Variants in FAF1 observed in about 807,000 individuals in gnomAD.
The protein encoded by FAF1 is FAS-associated factor 1.
FAF1 carries 25 observed loss-of-function variants against 92.5 expected under a neutral mutation model. The ratio of observed to expected loss-of-function variants is 0.27; its 90% CI spans 0.20 to 0.38. FAF1 has a LOEUF of 0.38. Ranked by LOEUF, FAF1 falls within the 10% of genes least tolerant of loss-of-function variation. The pLI, the probability that FAF1 is intolerant of heterozygous loss-of-function variation, is 1.00. For synonymous variants in FAF1, 234 were observed against 273.2 expected, an observed-to-expected ratio of 0.86 and a Z score of 1.42; for missense variants, 636 against 793.3, an observed-to-expected ratio of 0.80 and a Z score of 2.38.
chr1:50,771,935 T>C (rs372157258), intron 4 of FAF1, among the ~76,000 whole-genome samples: 1 of 152,150 alleles, frequency 6.6e-6, no homozygotes, highest in East Asian at 1.9e-4. Context: ...ATGCCAACTA[T>C]GTTTAATTTT....
chr1:50,700,078 C>G (rs1657399063), intron 7 of FAF1, among the ~76,000 whole-genome samples: 1 of 151,994 alleles, frequency 6.6e-6, no homozygotes, highest in Admixed American at 6.6e-5. Context: ...CCACCCTCCC[C>G]AAAAATAACG....
rs193169521 is a variant in FAF1 at position 50,750,203 on chromosome 1, C to G, written c.368-5428G>C. On this transcript the variant is annotated intron_variant, in intron 4 of 18. Coordinates refer to ENST00000396153, the MANE Select transcript of FAF1 (RefSeq NM_007051.3). ...CACTGCAGTATCCCACCCCAGGCCA[C>G]GTTCCTTGAAAAATTGTGAAGACAT... Among the ~76,000 whole-genome samples the G allele has an allele frequency of 8.7e-3, 1,323 of 152,268 alleles. 12 individuals are homozygous for G. Among genetic ancestry groups the G allele is most frequent in the Non-Finnish European group, 0.014 (928 of 68,006 alleles).
At chr1:50,512,373 G>A (rs1004248408) in intron 15 of FAF1, among the ~76,000 whole-genome samples, 44 of 152,160 alleles carry the variant, frequency 2.9e-4, no homozygotes, top group Admixed American at 2.8e-3. Context: ...ATGGTTTTAA[G>A]TCTTACATTT....
At position 50,467,341 on chromosome 1, in the gene FAF1, G is replaced by A. The variant is rs115282104; in HGVS notation, c.1869+8123C>T. ...AAAGTATTTTTCTTTTTGGGACGGGGTCTCACTCTGTTACCAGGCTGGAGT... is the reference window on the plus strand; with the variant it reads ...AAAGTATTTTTCTTTTTGGGACGGGATCTCACTCTGTTACCAGGCTGGAGT... On this transcript the variant is annotated intron_variant, in intron 18 of 18. Transcript: ENST00000396153. Among the ~76,000 whole-genome samples, 1,495 of 152,180 alleles carry A rather than the reference G, an allele frequency of 9.8e-3. 24 individuals are homozygous for A. Among genetic ancestry groups the A allele is most frequent in the African/African-American group, 0.034 (1,420 of 41,518 alleles).
chr1:50,604,005 C>G (rs184860054), intron 8 of FAF1, among the ~76,000 whole-genome samples: 4 of 152,268 alleles, frequency 2.6e-5, no homozygotes, highest in South Asian at 2.1e-4. Context: ...GAAATAAACA[C>G]CAACAGTTAC....
chr1:50,926,309 G>C (rs569132978), intron 1 of FAF1, among the ~76,000 whole-genome samples: 2 of 152,248 alleles, frequency 1.3e-5, no homozygotes, highest in East Asian at 3.9e-4. Flanking sequence ...AGGATACTAT[G>C]TTAAACTAAA....
At chr1:50,802,166 C>T (rs1339954897) in intron 2 of FAF1, among the ~76,000 whole-genome samples, 1 of 151,968 alleles carries the variant, frequency 6.6e-6, no homozygotes, top group African/African-American at 2.4e-5. Flanking sequence ...TCTCAACTCA[C>T]CACAACCTCC....
chr1:50,885,248 T>G (rs1644649065), intron 1 of FAF1, among the ~76,000 whole-genome samples: 1 of 152,076 alleles, frequency 6.6e-6, no homozygotes, highest in Non-Finnish European at 1.5e-5. Context: ...TATGTTGAAG[T>G]CTCTAGCTAT....
chr1:50,457,704 T>A (rs2148985280), intron 18 of FAF1, among the ~76,000 whole-genome samples: 1 of 112,088 alleles, frequency 8.9e-6, no homozygotes, highest in Non-Finnish European at 1.8e-5. Context: ...CCTGGGCAAT[T>A]CGGTGAAACC....
intron 8 of FAF1, among the ~76,000 whole-genome samples, chr1:50,630,663 G>A (rs1653732665): frequency 6.6e-6 from 1 of 152,046 alleles, no homozygotes; most frequent in East Asian, 1.9e-4. Flanking sequence ...CTCAGTGGAT[G>A]ACAAAATTCT....
intron 8 of FAF1, among the ~76,000 whole-genome samples, chr1:50,630,106 A>T (rs892625075): frequency 5.3e-5 from 8 of 152,118 alleles, no homozygotes; most frequent in Non-Finnish European, 1.2e-4. Context: ...ACAAAGTAAG[A>T]TACATAAATA....
At chr1:50,740,909 G>A (rs1201087150) in intron 5 of FAF1, among the ~76,000 whole-genome samples, 2 of 151,976 alleles carry the variant, frequency 1.3e-5, no homozygotes, top group African/African-American at 4.8e-5. Context: ...ATTGGTAAAT[G>A]CTTGCCATTT....
At chr1:50,626,742 A>G (rs527919767) in intron 8 of FAF1, among the ~76,000 whole-genome samples, 41 of 152,222 alleles carry the variant, frequency 2.7e-4, no homozygotes, top group African/African-American at 9.6e-4. Flanking sequence ...TATAGTACGG[A>G]GAGTTGATTG....
In FAF1 at chr1:50,622,095, G is replaced by T. The variant is rs138825162; in HGVS notation, c.745-25879C>A. 7.3e-3 allele frequency among the ~76,000 whole-genome samples: 1,109 copies of T among 151,274 alleles called. 13 individuals carry two copies. The highest frequency in any genetic ancestry group is 0.026 in the African/African-American group (1,057 of 41,196). On this transcript the variant is annotated intron_variant, in intron 8 of 18. Transcript: ENST00000396153. ...GCAGGAAATCACTTGAATTCGGGAGGTGGAGGTTGCAGTGAGCCGAGATTA... is the reference window on the plus strand; with the variant it reads ...GCAGGAAATCACTTGAATTCGGGAGTTGGAGGTTGCAGTGAGCCGAGATTA...
chr1:50,669,009 A>C (rs1290947857), intron 7 of FAF1, among the ~76,000 whole-genome samples: 1 of 151,994 alleles, frequency 6.6e-6, no homozygotes. Context: ...ACATTAAAAA[A>C]CCGCCACAAA....
At chr1:50,460,905 G>A (rs915600158) in intron 18 of FAF1, among the ~76,000 whole-genome samples, 2 of 151,982 alleles carry the variant, frequency 1.3e-5, no homozygotes, top group East Asian at 3.9e-4. Context: ...CTTCTGTCTT[G>A]GCCTCCCAAA....
chr1:50,625,788 T>A (rs147294056), intron 8 of FAF1, among the ~76,000 whole-genome samples: 1 of 152,244 alleles, frequency 6.6e-6, no homozygotes, highest in East Asian at 1.9e-4. Flanking sequence ...ATTAAGGAGT[T>A]TAGACATTAT....
At chr1:50,878,396 T>C (rs1205280051) in intron 1 of FAF1, among the ~76,000 whole-genome samples, 1 of 152,234 alleles carries the variant, frequency 6.6e-6, no homozygotes, top group African/African-American at 2.4e-5. Context: ...GCTAGGATTC[T>C]AGTCAGGTAA....
chr1:50,598,988 CTA>C (rs935618334), intron 8 of FAF1, among the ~76,000 whole-genome samples: 44 of 151,980 alleles, frequency 2.9e-4, no homozygotes, highest in African/African-American at 1.0e-3. Context: ...AAAGAACATA[CTA>C]TGTGATTCTC....
Sources: allele counts gnomAD v4.1 joint callset (sites outside exome capture counted in the v4.1 genomes callset), GRCh38; gene constraint gnomAD v4.1.1; transcripts MANE v1.5; gene names NCBI Gene and HGNC (gene_info 2026-07-23, HGNC 2026-07-21).